C1orf21: variants seen among roughly 807,000 people sequenced by gnomAD.
C1orf21 encodes chromosome 1 open reading frame 21, also known as uncharacterized protein C1orf21.
A neutral mutation model predicts 18.7 loss-of-function variants in C1orf21; 3 were observed. The ratio of observed to expected loss-of-function variants is 0.16; its 90% confidence interval spans 0.07 to 0.42. The LOEUF is 0.42. C1orf21 is among the 10% of genes least tolerant of loss of function. The probability of loss-of-function intolerance (pLI) is 0.99; values close to 1 mark genes in which losing one functional copy is unlikely to be tolerated. For missense variants in C1orf21, 104 were observed against 143.6 expected (o/e 0.72, Z 1.41); for synonymous variants, 41 against 46.4 (o/e 0.88, Z 0.47).
chr1:184,460,307 A>G (rs895142572), intron 1 of C1orf21, among the ~76,000 whole-genome samples: 1 of 152,186 alleles, frequency 6.6e-6, no homozygotes, highest in Non-Finnish European at 1.5e-5. Flanking sequence ...CATTGTCAGG[A>G]GAAGGTCATT....
intron 1 of C1orf21, among the ~76,000 whole-genome samples, chr1:184,475,956 A>G (rs1333940292): frequency 6.6e-6 from 1 of 152,184 alleles, no homozygotes; most frequent in Non-Finnish European, 1.5e-5. Context: ...AACCACTGAT[A>G]GAGAATAGTT....
At chr1:184,495,474 C>T (rs182164352) in intron 2 of C1orf21, among the ~76,000 whole-genome samples, 2 of 152,234 alleles carry the variant, frequency 1.3e-5, no homozygotes, top group South Asian at 2.1e-4. Context: ...AGATAATTTC[C>T]CATTCTGAAT....
chr1:184,529,305 T>A (rs190158469), intron 3 of C1orf21, among the ~76,000 whole-genome samples: 1 of 152,302 alleles, frequency 6.6e-6, no homozygotes, highest in African/African-American at 2.4e-5. Context: ...AATACAAATG[T>A]GAAGTGAAAG....
chr1:184,456,836 A>G lies in C1orf21; in HGVS notation c.-124-20550A>G, dbSNP rs80083993. Among the ~76,000 whole-genome samples the G allele has an allele frequency of 6.5e-3, 995 of 152,304 alleles. 11 individuals are homozygous for G. The highest frequency in any genetic ancestry group is 0.023 in the African/African-American group (947 of 41,554). On this transcript the variant is annotated intron_variant, in intron 1 of 5. Coordinates refer to ENST00000235307, the MANE Select transcript of C1orf21 (RefSeq NM_030806.4). ...CTTGCTCATCTTTTACTCTGTGACA[A>G]TCACTTCATTGAAGACAAAACCTTT...
intron 1 of C1orf21, among the ~76,000 whole-genome samples, chr1:184,453,108 C>T (rs947051885): frequency 6.6e-6 from 1 of 152,136 alleles, no homozygotes; most frequent in Non-Finnish European, 1.5e-5. Flanking sequence ...CCATGAAATG[C>T]CTCTAAGTGA....
chr1:184,573,474 T>C (rs528895138), intron 3 of C1orf21, among the ~76,000 whole-genome samples: 68 of 152,338 alleles, frequency 4.5e-4, no homozygotes, highest in Middle Eastern at 3.4e-3. Context: ...TTTTCCGAAA[T>C]AGACGTTTCT....
intron 1 of C1orf21, among the ~76,000 whole-genome samples, chr1:184,437,327 G>A (rs1656874514): frequency 6.6e-6 from 1 of 152,112 alleles, no homozygotes; most frequent in South Asian, 2.1e-4. Flanking sequence ...ACAAAATCAA[G>A]CCTGTTATTT....
At chr1:184,481,597 C>G (rs1657656855) in intron 2 of C1orf21, among the ~76,000 whole-genome samples, 2 of 152,200 alleles carry the variant, frequency 1.3e-5, no homozygotes, top group Admixed American at 6.5e-5. Flanking sequence ...GGTCATTGCT[C>G]TCTCTGTGCC....
At chr1:184,550,622 C>T (rs920536137) in intron 3 of C1orf21, among the ~76,000 whole-genome samples, 3 of 152,142 alleles carry the variant, frequency 2.0e-5, no homozygotes, top group Admixed American at 1.3e-4. Flanking sequence ...GCAGCCTTGA[C>T]CTCCTGGGCT....
Position 184,628,203 on chromosome 1 carries a change from C to T in C1orf21, c.*8647C>T, listed in dbSNP as rs1283147278. Reference sequence around the variant, plus strand: ...ATGAATTCTCCAAAGCAGTGGGCCCCCATCTGTTTCAATTACACATGCCTG... The same window carrying T: ...ATGAATTCTCCAAAGCAGTGGGCCCTCATCTGTTTCAATTACACATGCCTG... On this transcript the variant is annotated 3_prime_UTR_variant, in exon 6 of 6. Transcript: ENST00000235307. 1.3e-5 allele frequency: 2 copies of T among 152,094 alleles called. No individual in the cohort carries two copies. Among genetic ancestry groups the T allele is most frequent in the Admixed American group, 6.5e-5 (1 of 15,282 alleles). 9.4% of individuals were successfully genotyped at this position (152,094 alleles called of 1,614,324 possible). A position where few individuals can be genotyped will look rare whatever the true frequency, so the allele number is the denominator to read the frequency against.
At chr1:184,418,867 C>T (rs1240517798) in intron 1 of C1orf21, among the ~76,000 whole-genome samples, 1 of 152,144 alleles carries the variant, frequency 6.6e-6, no homozygotes, top group Non-Finnish European at 1.5e-5. Flanking sequence ...TCACATTCTA[C>T]TACTGTTGGT....
At chr1:184,506,358 G>A (rs1260362668) in intron 2 of C1orf21, among the ~76,000 whole-genome samples, 1 of 152,180 alleles carries the variant, frequency 6.6e-6, no homozygotes, top group African/African-American at 2.4e-5. Context: ...TGGGAGTTGT[G>A]TGTTAAGGGG....
chr1:184,446,055 C>T (rs970972730), intron 1 of C1orf21, among the ~76,000 whole-genome samples: 1 of 152,054 alleles, frequency 6.6e-6, no homozygotes, highest in South Asian at 2.1e-4. Context: ...TTAATTTTGA[C>T]AATTTTAATG....
intron 4 of C1orf21, 144 bp downstream of exon 4, chr1:184,590,959 C>A: frequency 1.4e-6 from 1 of 708,056 alleles, no homozygotes; most frequent in Non-Finnish European, 2.4e-6. Context: ...TTGAACTTGC[C>A]GCACACCAAG....
chr1:184,399,513 C>T (rs371573477), intron 1 of C1orf21, among the ~76,000 whole-genome samples: 9 of 151,922 alleles, frequency 5.9e-5, no homozygotes, highest in African/African-American at 2.2e-4. Context: ...TAGGTGTATG[C>T]CACCACACCC....
At position 184,619,505 on chromosome 1, in the gene C1orf21, T is replaced by C. The variant is rs78657555; in HGVS notation, c.328-13T>C. 6.0e-3 allele frequency: 9,591 copies of C among 1,610,674 alleles called. 482 individuals carry two copies. The African/African-American group carries it at 0.11, about 18-fold the overall frequency. ...TTCTCATTCACATGCTCTTTTTTCT[T>C]TTTCCCTCCAAGGGTCGGGATTACT... On this transcript the variant is annotated splice_polypyrimidine_tract_variant and intron_variant, in intron 5 of 5. Transcript: ENST00000235307.
At chr1:184,459,273 A>G (rs1168078924) in intron 1 of C1orf21, among the ~76,000 whole-genome samples, 8 of 152,198 alleles carry the variant, frequency 5.3e-5, no homozygotes, top group Non-Finnish European at 1.2e-4. Flanking sequence ...GTATTTTTCC[A>G]GTGTGTAAGT....
chr1:184,394,825 A>G (rs1656024769), intron 1 of C1orf21, among the ~76,000 whole-genome samples: 1 of 152,216 alleles, frequency 6.6e-6, no homozygotes. Flanking sequence ...CAGGTGGATA[A>G]TATTTTGATG....
chr1:184,392,077 G>A (rs1655978306), intron 1 of C1orf21, among the ~76,000 whole-genome samples: 1 of 152,128 alleles, frequency 6.6e-6, no homozygotes. Context: ...TATTTGACAG[G>A]CGTTCCTTCC....
Sources: gnomAD v4.1 joint callset for allele counts (sites outside exome capture counted in the v4.1 genomes callset) on GRCh38, gnomAD v4.1.1 for gene constraint, MANE v1.5 for transcripts, NCBI Gene and HGNC (gene_info 2026-07-23, HGNC 2026-07-21) for gene names.